PAFAH1B3: variants seen among roughly 807,000 people sequenced by gnomAD.
The protein encoded by PAFAH1B3 is platelet-activating factor acetylhydrolase IB subunit alpha1.
Under a neutral mutation model 24.4 loss-of-function variants are expected in PAFAH1B3, and 15 were observed. That is an observed-to-expected ratio of 0.62 (90% CI 0.41 to 0.95). The LOEUF is 0.95. Among genes scored for constraint, PAFAH1B3 ranks in the 40% least tolerant of loss-of-function variants. The pLI is 0.00. For synonymous variants in PAFAH1B3, 144 were observed against 126.5 expected (o/e 1.14, Z -0.93); for missense variants, 266 against 312.2 (o/e 0.85, Z 1.12).
intron 2 of PAFAH1B3, among the ~76,000 whole-genome samples, chr19:42,301,057 C>T (rs1227529433): frequency 1.3e-5 from 2 of 152,190 alleles, no homozygotes; most frequent in African/African-American, 4.8e-5. Flanking sequence ...TCAGGTCATC[C>T]GCCTGCCTTG....
At chr19:42,298,880 C>G (rs2038576179) in intron 4 of PAFAH1B3, among the ~76,000 whole-genome samples, 4 of 151,442 alleles carry the variant, frequency 2.6e-5, no homozygotes, top group Admixed American at 2.6e-4. Flanking sequence ...GTGGCACAAT[C>G]TCGGCTCACT....
rs1278845197 is a variant in PAFAH1B3 at position 42,302,242 on chromosome 19, C to T, written c.68G>A (p.Trp23Ter). 3 of 1,599,046 alleles carry T rather than the reference C, an allele frequency of 1.9e-6. No individual in the cohort carries two copies. Among genetic ancestry groups the T allele is most frequent in the Non-Finnish European group, 2.6e-6 (3 of 1,173,112 alleles). Residue 23 changes from tryptophan (W) to a stop codon, truncating the protein, a stop_gained, in exon 1 of 5, where the codon TGG (tryptophan) becomes TAG (stop). Transcript: ENST00000262890. LOFTEE classifies it high-confidence loss of function. Reference sequence around the variant, plus strand: ...GGTGGGAACGCTCACCAGGGACATCCAGCGCCCGTCGCCCTGTACGTCCTG... The same window carrying T: ...GGTGGGAACGCTCACCAGGGACATCTAGCGCCCGTCGCCCTGTACGTCCTG... Reference protein sequence around the residue: ...PVQDVQGDGRWMSLHHRFVAD... With the variant: ...PVQDVQGDGR
At chr19:42,297,461 GC>G (rs1307976577) in intron 4 of PAFAH1B3, 96 bp from the exon 5 acceptor site, 5 of 839,154 alleles carry the variant, frequency 6.0e-6, no homozygotes, top group Non-Finnish European at 8.6e-6. Flanking sequence ...GAAGTTTCCA[GC>G]TGCAGAAAAC....
intron 2 of PAFAH1B3, 21 bp downstream of exon 2, chr19:42,301,929 G>A (rs1444378362): frequency 1.3e-6 from 2 of 1,539,052 alleles, no homozygotes; most frequent in Non-Finnish European, 1.8e-6. Context: ...GATGGGGCAG[G>A]GGGAGAGGGA....
In PAFAH1B3 at chr19:42,302,407, C is replaced by A; in HGVS notation, c.-98G>T. 3 of 1,113,948 alleles carry A rather than the reference C, an allele frequency of 2.7e-6. No homozygotes were observed. The highest frequency in any genetic ancestry group is 2.5e-6 in the Non-Finnish European group (2 of 786,244). The allele number at this position is 1,113,948 out of a possible 1,614,324, so 69.0% of individuals were successfully genotyped here. On this transcript the variant is annotated 5_prime_UTR_variant, in exon 1 of 5. Transcript: ENST00000262890. ...CCACGCCCACTCCTACCCCTCGCGGCAACAAAGGACCGTCCCAACGCTAGC... is the reference window on the plus strand; with the variant it reads ...CCACGCCCACTCCTACCCCTCGCGGAAACAAAGGACCGTCCCAACGCTAGC...
chr19:42,300,288 CTGTGGGCAAGAAGTGG>C lies in PAFAH1B3; in HGVS notation c.169-17_169-2del, dbSNP rs746587306. The C allele has an allele frequency of 6.1e-5, 98 of 1,613,906 alleles. No homozygotes were observed. Among genetic ancestry groups the C allele is most frequent in the East Asian group, 1.1e-4 (5 of 44,896 alleles). ...GAGGAGAGAAGAGCTCGCGCCAGAT[CTGTGGGCAAGAAGTGG>C]TGTGGGCAAGAAGTGGTAGGGGCAC... On this transcript the variant is annotated splice_acceptor_variant and splice_polypyrimidine_tract_variant and intron_variant, in intron 2 of 4. Coordinates refer to ENST00000262890, the MANE Select transcript of PAFAH1B3 (RefSeq NM_002573.4). LOFTEE classifies it high-confidence loss of function.
intron 4 of PAFAH1B3, among the ~76,000 whole-genome samples, chr19:42,299,681 G>C (rs2038587636): frequency 6.6e-6 from 1 of 152,060 alleles, no homozygotes; most frequent in African/African-American, 2.4e-5. Context: ...ACCTGCCTCG[G>C]TCTCCCAAAG....
rs368978126 is a variant in PAFAH1B3 at position 42,300,258 on chromosome 19, A to C, written c.198T>G (p.His66Gln). 1 of 1,614,236 alleles carries C rather than the reference A, an allele frequency of 6.2e-7. No individual in the cohort carries two copies. The highest frequency in any genetic ancestry group is 1.7e-5 in the Admixed American group (1 of 60,032). ...CACCACCAATGCCAAAGTTAAGTGC[A>C]TGCAGAGGAGAGAAGAGCTCGCGCC... Reference protein sequence around the residue: ...EIWRELFSPLHALNFGIGGDG... With the variant: ...EIWRELFSPLQALNFGIGGDG... Residue 66 changes from histidine to glutamine, a missense_variant, in exon 3 of 5, where the codon CAT (histidine) becomes CAG (glutamine). Coordinates refer to ENST00000262890, the MANE Select transcript of PAFAH1B3 (RefSeq NM_002573.4).
rs1024156575 is a variant in PAFAH1B3 at position 42,302,482 on chromosome 19, G to A, written c.-173C>T. On this transcript the variant is annotated 5_prime_UTR_variant, in exon 1 of 5. Coordinates refer to ENST00000262890, the MANE Select transcript of PAFAH1B3 (RefSeq NM_002573.4). ...TACAGGGCGCCGCCTCCTCTCCAGG[G>A]ACGGAAGCCTTCACTTAGGAGGTAG... is the stretch of plus-strand genomic sequence containing the variant. 1 of 596,072 alleles carries A rather than the reference G, an allele frequency of 1.7e-6. No individual in the cohort carries two copies. Among genetic ancestry groups the A allele is most frequent in the Non-Finnish European group, 2.9e-6 (1 of 341,176 alleles). The allele number at this position is 596,072 out of a possible 1,614,324, so 36.9% of individuals were successfully genotyped here.
chr19:42,300,029 T>G lies in PAFAH1B3; in HGVS notation c.349A>C (p.Ile117Leu). ...TTCACCAGTTGCACAATGGCCTTGATGCCACCAGTCACCTGCTCTGCTGTG... is the reference window on the plus strand; with the variant it reads ...TTCACCAGTTGCACAATGGCCTTGAGGCCACCAGTCACCTGCTCTGCTGTG... ...GHTAEQVTGG[I>L]KAIVQLVNER... is the part of the protein sequence containing the mutation. The change falls in exon 4 of 5, where the codon ATC becomes CTC. Residue 117 changes from isoleucine (I) to leucine (L), a missense_variant. Coordinates refer to ENST00000262890, the MANE Select transcript of PAFAH1B3 (RefSeq NM_002573.4). 1 of 1,614,202 alleles carries G rather than the reference T, an allele frequency of 6.2e-7. No homozygotes were observed. Among genetic ancestry groups the G allele is most frequent in the Non-Finnish European group, 8.5e-7 (1 of 1,180,034 alleles).
At chr19:42,298,363 C>T (rs1453434173) in intron 4 of PAFAH1B3, among the ~76,000 whole-genome samples, 3 of 152,106 alleles carry the variant, frequency 2.0e-5, no homozygotes, top group Non-Finnish European at 4.4e-5. Flanking sequence ...TGGTGGCACG[C>T]GCCTGCAGTC....
At chr19:42,302,147 T>A in intron 1 of PAFAH1B3, 85 bp downstream of exon 1, 2 of 1,487,854 alleles carry the variant, frequency 1.3e-6, no homozygotes, top group Non-Finnish European at 1.8e-6. Context: ...CCCAATCAGG[T>A]AGTGAGAGTG....
At chr19:42,297,883 C>G (rs919297077) in intron 4 of PAFAH1B3, among the ~76,000 whole-genome samples, 3 of 151,212 alleles carry the variant, frequency 2.0e-5, no homozygotes, top group Non-Finnish European at 4.4e-5. Flanking sequence ...TAGCCTCTTT[C>G]CAAGTATCAC....
At chr19:42,301,875 G>T in intron 2 of PAFAH1B3, 75 bp downstream of exon 2, 1 of 1,240,818 alleles carries the variant, frequency 8.1e-7, no homozygotes, top group Non-Finnish European at 1.2e-6. Context: ...TACCTCACCT[G>T]GCCTGGGTTC....
intron 4 of PAFAH1B3, among the ~76,000 whole-genome samples, chr19:42,299,164 T>C (rs1191771674): frequency 2.6e-5 from 4 of 150,990 alleles, no homozygotes; most frequent in Non-Finnish European, 4.4e-5. Flanking sequence ...TTGCCCAGGC[T>C]GGAGTGCAAT....
intron 4 of PAFAH1B3, 46 bp from the exon 5 acceptor site, chr19:42,297,411 T>C (rs763835918): frequency 1.3e-6 from 2 of 1,555,758 alleles, no homozygotes; most frequent in East Asian, 2.3e-5. Context: ...CATTTGAGTA[T>C]CTTGTTCTCT....
chr19:42,302,250 G>A lies in PAFAH1B3; in HGVS notation c.60C>T (p.Asp20=). 1.2e-6 allele frequency: 2 copies of A among 1,603,116 alleles called. No homozygotes were observed. Among genetic ancestry groups the A allele is most frequent in the Non-Finnish European group, 1.7e-6 (2 of 1,175,258 alleles). The part of the protein sequence containing the change: ...KPTPVQDVQG[D]GRWMSLHHRF... ...CGCTCACCAGGGACATCCAGCGCCC[G>A]TCGCCCTGTACGTCCTGCACCGGCG... Residue 20 remains aspartate, a synonymous_variant, in exon 1 of 5, where the codon GAC becomes GAT. Transcript: ENST00000262890.
chr19:42,298,266 G>C (rs1353071652), intron 4 of PAFAH1B3, among the ~76,000 whole-genome samples: 1 of 152,188 alleles, frequency 6.6e-6, no homozygotes, highest in Admixed American at 6.5e-5. Context: ...TGAGACGGGT[G>C]GATCACTTGA....
At chr19:42,297,434 C>A (rs539916888) in intron 4 of PAFAH1B3, 69 bp from the exon 5 acceptor site, 2 of 1,429,100 alleles carry the variant, frequency 1.4e-6, no homozygotes, top group African/African-American at 2.8e-5. Context: ...GCCAACCTGT[C>A]CTCCACCCAC....
Sources: allele counts gnomAD v4.1 joint callset (sites outside exome capture counted in the v4.1 genomes callset), GRCh38; gene constraint gnomAD v4.1.1; transcripts MANE v1.5; gene names NCBI Gene and HGNC (gene_info 2026-07-23, HGNC 2026-07-21).